Variants in SOCS7 observed in about 807,000 individuals in gnomAD.
SOCS7 encodes suppressor of cytokine signaling 7.
In SOCS7, 18 loss-of-function variants were observed where a neutral mutation model predicts 58.9. The ratio of observed to expected loss-of-function variants is 0.31; its 90% CI spans 0.21 to 0.45. SOCS7 has a LOEUF of 0.45. Ranked by LOEUF, SOCS7 falls within the 20% of genes least tolerant of loss-of-function variation. SOCS7 has a pLI of 1.00. For synonymous variants in SOCS7, 388 were observed against 364.3 expected (o/e 1.06, Z -0.74); for missense variants, 667 against 837.3 (o/e 0.80, Z 2.51).
In SOCS7 at chr17:38,352,208, G is replaced by T; in HGVS notation, c.156G>T (p.Ala52=). ...GHGPPPPPFL[A]RPGPRGSRPP... is the part of the protein sequence containing the mutation. ...GCCCCCCGCCGCCACCCTTCCTCGC[G>T]CGGCCCGGCCCGCGGGGCTCCCGGC... Residue 52 remains alanine (A), a synonymous_variant, in exon 1 of 10, where the codon GCG becomes GCT. Coordinates refer to ENST00000612932, the MANE Select transcript of SOCS7 (RefSeq NM_014598.4). This position sits in a 1 kb window ranked among gnomAD's most constrained non-coding sequence, Gnocchi z 5.5. 7.5e-7 allele frequency: 1 copy of T among 1,331,204 alleles called. No homozygotes were observed. The highest frequency in any genetic ancestry group is 1.5e-5 in the African/African-American group (1 of 65,072). The allele number at this position is 1,331,204 out of a possible 1,614,324, so 82.5% of individuals were successfully genotyped here.
chr17:38,377,452 C>G (rs779640425), intron 6 of SOCS7, among the ~76,000 whole-genome samples: 11 of 152,202 alleles, frequency 7.2e-5, no homozygotes, highest in African/African-American at 1.2e-4. Flanking sequence ...CTTCTGGTCT[C>G]AAGCATTTCG....
intron 7 of SOCS7, among the ~76,000 whole-genome samples, chr17:38,382,618 A>G (rs1481278312): frequency 6.6e-6 from 1 of 151,886 alleles, no homozygotes; most frequent in Non-Finnish European, 1.5e-5. Context: ...CCTCCCGAGT[A>G]GCTGGGATTA....
At chr17:38,398,138 A>G (rs1256742886) in intron 9 of SOCS7, among the ~76,000 whole-genome samples, 1 of 151,648 alleles carries the variant, frequency 6.6e-6, no homozygotes, top group East Asian at 1.9e-4. Context: ...TGACATCAGT[A>G]TTGATGCCTG....
At chr17:38,377,903 AAAAACACCATCCCCAC>A in intron 7 of SOCS7, 61 bp downstream of exon 7, 1 of 1,521,984 alleles carries the variant, frequency 6.6e-7, no homozygotes, top group Non-Finnish European at 9.0e-7. Context: ...TTTAGTGTCA[AAAAACACCATCCCCAC>A]AAAAGGCCAT....
At chr17:38,367,027 T>C (rs2037798910) in intron 5 of SOCS7, among the ~76,000 whole-genome samples, 1 of 152,092 alleles carries the variant, frequency 6.6e-6, no homozygotes, top group Non-Finnish European at 1.5e-5. Flanking sequence ...GGTAACAAAA[T>C]TGTAGAATTA....
intron 6 of SOCS7, among the ~76,000 whole-genome samples, chr17:38,377,290 T>G (rs1010545218): frequency 6.6e-6 from 1 of 152,206 alleles, no homozygotes; most frequent in Non-Finnish European, 1.5e-5. Context: ...CCAAAATGCT[T>G]AAAAATCTGA....
intron 2 of SOCS7, among the ~76,000 whole-genome samples, chr17:38,363,773 A>G (rs1235325900): frequency 6.6e-6 from 1 of 152,176 alleles, no homozygotes; most frequent in East Asian, 1.9e-4. Flanking sequence ...TAACGGGGAA[A>G]CATTTAAAAT....
chr17:38,366,525 G>A, intron 5 of SOCS7, 108 bp downstream of exon 5: 1 of 1,372,146 alleles, frequency 7.3e-7, no homozygotes, highest in Non-Finnish European at 1.0e-6. Context: ...GACAGGGTCT[G>A]GCTCTGTTGC....
chr17:38,357,353 AT>A (rs1269128383), intron 1 of SOCS7, among the ~76,000 whole-genome samples: 2 of 151,958 alleles, frequency 1.3e-5, no homozygotes, highest in African/African-American at 2.4e-5. Flanking sequence ...CTTTTTAACT[AT>A]TTTTTCCATG....
At chr17:38,395,529 C>A (rs1399122227) in intron 8 of SOCS7, 85 bp downstream of exon 8, 1 of 1,348,158 alleles carries the variant, frequency 7.4e-7, no homozygotes, top group South Asian at 1.3e-5. Flanking sequence ...TGCAAGCTAC[C>A]TTCACAGGCA....
Position 38,352,820 on chromosome 17 carries a change from G to C in SOCS7, c.768G>C (p.Pro256=), listed in dbSNP as rs1225157961. The C allele has an allele frequency of 1.3e-6, 2 of 1,560,796 alleles. No individual in the cohort carries two copies. The highest frequency in any genetic ancestry group is 2.4e-5 in the East Asian group (1 of 41,576). Residue 256 remains proline, a synonymous_variant, in exon 1 of 10, where the codon CCG becomes CCC. Transcript: ENST00000612932. This position sits in a 1 kb window ranked among gnomAD's most constrained non-coding sequence, Gnocchi z 5.5. The part of the protein sequence containing the change: ...QQQQQQPPPP[P]PPPGPLRPLA... ...AGCAGCAGCAACCTCCCCCGCCCCC[G>C]CCTCCTCCCGGGCCCCTCCGGCCAC...
In SOCS7 at chr17:38,368,013, G is replaced by A. The variant is rs1018924761; in HGVS notation, c.1515G>A (p.Gln505=). 3 of 1,614,016 alleles carry A rather than the reference G, an allele frequency of 1.9e-6. No homozygotes were observed. The highest frequency in any genetic ancestry group is 1.7e-5 in the Admixed American group (1 of 59,974). Residue 505 remains glutamine, a synonymous_variant, in exon 6 of 10, where the codon CAG becomes CAA. Coordinates refer to ENST00000612932, the MANE Select transcript of SOCS7 (RefSeq NM_014598.4). ...RYILSLSFRS[Q]GITHHTRMEH... is the part of the protein sequence containing the mutation. ...TCCTGAGCCTCAGTTTCCGATCACA[G>A]GGTATCACCCACCACACTAGAATGG...
chr17:38,365,956 T>A lies in SOCS7; in HGVS notation c.1253-331T>A. The A allele has an allele frequency of 2.8e-6, 3 of 1,078,044 alleles. No homozygotes were observed. The South Asian group carries it at 1.3e-4, about 45-fold the overall frequency. 66.8% of individuals were successfully genotyped at this position (1,078,044 alleles called of 1,614,324 possible). On this transcript the variant is annotated intron_variant, in intron 4 of 9. Coordinates refer to ENST00000612932, the MANE Select transcript of SOCS7 (RefSeq NM_014598.4). The stretch of plus-strand genomic sequence containing the variant: ...AGTCACTATTTCCAAGGCTGCCTTA[T>A]CGGCACTTCACTTCGAGGTGGGAGA...
rs144310318 is a variant in SOCS7 at position 38,374,056 on chromosome 17, A to G, written c.1553-3658A>G. Among the ~76,000 whole-genome samples the G allele has an allele frequency of 3.5e-3, 521 of 147,248 alleles. 16 individuals are homozygous for G. The highest frequency in any genetic ancestry group is 8.2e-3 in the East Asian group (40 of 4,898). On this transcript the variant is annotated intron_variant, in intron 6 of 9. Coordinates refer to ENST00000612932, the MANE Select transcript of SOCS7 (RefSeq NM_014598.4). ...GCCAACATGGCGAAACCCTGTCTCT[A>G]CTAAAAATACAAAAATTAGCCAGGC...
chr17:38,393,308 C>T (rs964187044), intron 7 of SOCS7, among the ~76,000 whole-genome samples: 1 of 152,086 alleles, frequency 6.6e-6, no homozygotes, highest in Non-Finnish European at 1.5e-5. Context: ...TACATGCTTT[C>T]ATTTGTTTTG....
rs985218483 is a variant in SOCS7, at chr17:38,351,913, C to T, written c.-140C>T. Among the ~76,000 whole-genome samples, 19 of 151,220 alleles carry T rather than the reference C, an allele frequency of 1.3e-4. No homozygotes were observed. The highest frequency in any genetic ancestry group is 9.9e-4 in the Admixed American group (15 of 15,212). The stretch of plus-strand genomic sequence containing the variant: ...CGCGCTGGGCTCCGCGCGCCCCCCG[C>T]CCCCCTCTATGAGGCAGAGGCCGCG... On this transcript the variant is annotated 5_prime_UTR_variant, in exon 1 of 10. Transcript: ENST00000612932.
chr17:38,366,313 C>T lies in SOCS7; in HGVS notation c.1279C>T (p.Arg427Ter). The T allele has an allele frequency of 1.2e-6, 2 of 1,614,140 alleles. No homozygotes were observed. Among genetic ancestry groups the T allele is most frequent in the East Asian group, 2.2e-5 (1 of 44,880 alleles). ...PDAFPRIAPI[R>*]AAESLHSQPP... ...TGCATTTCCCCGGATTGCTCCCATC[C>T]GAGCAGCTGAATCCCTGCACAGCCA... The change falls in exon 5 of 10, where the codon CGA (arginine) becomes TGA (stop). Residue 427 changes from arginine to a stop codon, truncating the protein, a stop_gained. Coordinates refer to ENST00000612932, the MANE Select transcript of SOCS7 (RefSeq NM_014598.4). LOFTEE classifies it high-confidence loss of function.
chr17:38,357,294 G>A lies in SOCS7; in HGVS notation c.980+4262G>A, dbSNP rs1332115269. Among the ~76,000 whole-genome samples, 18 of 152,288 alleles carry A rather than the reference G, an allele frequency of 1.2e-4. No homozygotes were observed. In the South Asian group the frequency reaches 2.1e-3, roughly 18 times the overall value. ...GAGCAAAATGATTTTATGGTGTGGCGAGGAAGTTCTGATTTTATGTTTGGG... is the reference window on the plus strand; with the variant it reads ...GAGCAAAATGATTTTATGGTGTGGCAAGGAAGTTCTGATTTTATGTTTGGG... On this transcript the variant is annotated intron_variant, in intron 1 of 9. Transcript: ENST00000612932.
chr17:38,399,060 C>A (rs2038282588), intron 9 of SOCS7, among the ~76,000 whole-genome samples: 1 of 150,706 alleles, frequency 6.6e-6, no homozygotes, highest in Non-Finnish European at 1.5e-5. Context: ...TGCACTCCAG[C>A]CTGGGTGACA....
Sources: allele counts gnomAD v4.1 joint callset (sites outside exome capture counted in the v4.1 genomes callset), GRCh38; gene constraint gnomAD v4.1.1; non-coding constraint Gnocchi (gnomAD v3.1); transcripts MANE v1.5; gene names NCBI Gene and HGNC (gene_info 2026-07-23, HGNC 2026-07-21).